FAM169A: variants seen among roughly 807,000 people sequenced by gnomAD.
The protein encoded by FAM169A is family with sequence similarity 169 member A.
In FAM169A, 24 loss-of-function variants were observed where a neutral mutation model predicts 75.7. The ratio of observed to expected loss-of-function variants is 0.32; its 90% confidence interval spans 0.23 to 0.45. The LOEUF (loss-of-function observed/expected upper bound fraction) is 0.45. Among genes scored for constraint, FAM169A ranks in the 20% least tolerant of loss-of-function variants. FAM169A has a pLI of 1.00. For synonymous variants in FAM169A, 271 were observed against 271.0 expected (o/e 1.00, Z 0.00); for missense variants, 673 against 784.0 (o/e 0.86, Z 1.69).
chr5:74,866,548 G>C, upstream of FAM169A: 4 of 520,836 alleles, frequency 7.7e-6, no homozygotes, highest in Non-Finnish European at 9.9e-6. Context: ...GTGCGGGCTT[G>C]GCCAGCCCGG....
chr5:74,838,456 T>C (rs916765374), intron 4 of FAM169A, among the ~76,000 whole-genome samples: 7 of 152,166 alleles, frequency 4.6e-5, no homozygotes, highest in African/African-American at 1.7e-4. Context: ...AACCCTTTCA[T>C]CTCTAGCATG....
At chr5:74,786,018 C>T (rs1158173476) in intron 11 of FAM169A, among the ~76,000 whole-genome samples, 1 of 152,102 alleles carries the variant, frequency 6.6e-6, no homozygotes, top group Non-Finnish European at 1.5e-5. Context: ...TCTGGGTGGG[C>T]ACCATCTAAT....
chr5:74,842,847 A>G (rs752042477), intron 1 of FAM169A, among the ~76,000 whole-genome samples: 1 of 152,272 alleles, frequency 6.6e-6, no homozygotes, highest in Middle Eastern at 3.4e-3. Flanking sequence ...GACAAGAGAA[A>G]GCAATTAGAG....
At chr5:74,798,390 C>T (rs1561294117) in intron 10 of FAM169A, among the ~76,000 whole-genome samples, 1 of 152,100 alleles carries the variant, frequency 6.6e-6, no homozygotes. Flanking sequence ...TGTTACCCTT[C>T]TAAAAAGGGT....
intron 5 of FAM169A, among the ~76,000 whole-genome samples, chr5:74,829,322 G>GTGCCA (rs1465155708): frequency 6.6e-6 from 1 of 152,046 alleles, no homozygotes; most frequent in Non-Finnish European, 1.5e-5. Context: ...TAAGTCTTTA[G>GTGCCA]TGCCATGCCA....
chr5:74,807,227 T>G (rs1309773486), intron 6 of FAM169A, among the ~76,000 whole-genome samples: 1 of 152,178 alleles, frequency 6.6e-6, no homozygotes, highest in African/African-American at 2.4e-5. Context: ...TCACTTACCT[T>G]AAATGTGTTC....
intron 1 of FAM169A, among the ~76,000 whole-genome samples, chr5:74,858,352 C>T (rs1302043601): frequency 6.6e-6 from 1 of 152,126 alleles, no homozygotes; most frequent in Non-Finnish European, 1.5e-5. Context: ...CACGCCACTG[C>T]ACTCCAGCCT....
chr5:74,814,162 T>C (rs1747352184), intron 5 of FAM169A, 143 bp from the exon 6 acceptor site: 1 of 544,038 alleles, frequency 1.8e-6, no homozygotes, highest in African/African-American at 1.9e-5. Context: ...TAATATAAAG[T>C]GTTTTTCAGC....
chr5:74,846,810 G>T (rs112349909), intron 1 of FAM169A, among the ~76,000 whole-genome samples: 2 of 152,100 alleles, frequency 1.3e-5, no homozygotes, highest in African/African-American at 4.8e-5. Context: ...CAATCCTTCC[G>T]TCTCAGCCTC....
chr5:74,822,942 T>A (rs1232471183), intron 5 of FAM169A, among the ~76,000 whole-genome samples: 1 of 152,148 alleles, frequency 6.6e-6, no homozygotes, highest in African/African-American at 2.4e-5. Context: ...TACCACACTC[T>A]GTCCACCTGA....
chr5:74,828,702 G>A (rs956752528), intron 5 of FAM169A, among the ~76,000 whole-genome samples: 1 of 152,154 alleles, frequency 6.6e-6, no homozygotes, highest in African/African-American at 2.4e-5. Flanking sequence ...GGCATCTTAG[G>A]ATTCAGTTAC....
At chr5:74,841,703 A>C in intron 1 of FAM169A, 24 bp from the exon 2 acceptor site, 1 of 1,587,836 alleles carries the variant, frequency 6.3e-7, no homozygotes. Flanking sequence ...CATGGAACAA[A>C]CAATTCAGAA....
intron 10 of FAM169A, chr5:74,799,378 A>T (rs1746445563): frequency 1.2e-6 from 2 of 1,612,746 alleles, no homozygotes; most frequent in Admixed American, 3.3e-5. Flanking sequence ...TGAGTCTGAA[A>T]ATGACTGGTG....
chr5:74,789,896 T>C (rs1420547934), intron 11 of FAM169A, among the ~76,000 whole-genome samples: 13 of 152,256 alleles, frequency 8.5e-5, no homozygotes, highest in Non-Finnish European at 1.3e-4. Flanking sequence ...GGCCTGTTAC[T>C]GGGCTTTGGT....
At chr5:74,811,805 C>A (rs563684601) in intron 6 of FAM169A, among the ~76,000 whole-genome samples, 1 of 152,086 alleles carries the variant, frequency 6.6e-6, no homozygotes, top group Non-Finnish European at 1.5e-5. Flanking sequence ...TGGAACTATA[C>A]GAATCCATAT....
At chr5:74,840,409 G>C (rs555444338) in intron 2 of FAM169A, among the ~76,000 whole-genome samples, 203 of 151,278 alleles carry the variant, frequency 1.3e-3, no homozygotes, top group African/African-American at 4.8e-3. Context: ...TATGTATCTA[G>C]CCACACATCT....
chr5:74,814,305 T>C (rs984745157), intron 5 of FAM169A, among the ~76,000 whole-genome samples: 6 of 152,176 alleles, frequency 3.9e-5, no homozygotes, highest in African/African-American at 1.4e-4. Context: ...CTATATGTAT[T>C]ATATATATAC....
At chr5:74,806,200 C>G (rs1746875175) in intron 6 of FAM169A, among the ~76,000 whole-genome samples, 1 of 151,870 alleles carries the variant, frequency 6.6e-6, no homozygotes, top group Non-Finnish European at 1.5e-5. Context: ...AAAAAACAAA[C>G]AAACAAAAAA....
intron 11 of FAM169A, among the ~76,000 whole-genome samples, chr5:74,795,129 G>A (rs917519520): frequency 1.3e-5 from 2 of 151,910 alleles, no homozygotes; most frequent in Admixed American, 6.6e-5. Context: ...ATGGTGGGGG[G>A]AACCTGTAAT....
Sources: allele counts gnomAD v4.1 joint callset (sites outside exome capture counted in the v4.1 genomes callset), GRCh38; gene constraint gnomAD v4.1.1; transcripts MANE v1.5; gene names NCBI Gene and HGNC (gene_info 2026-07-23, HGNC 2026-07-21).